Variants in JADE3 observed in about 807,000 individuals in gnomAD.
The protein encoded by JADE3 is jade family PHD finger 3, also known as protein Jade-3.
Under a neutral mutation model 50.1 loss-of-function variants are expected in JADE3, and 2 were observed. The observed-to-expected ratio is 0.04, with a 90% CI of 0.02 to 0.13. The LOEUF is 0.13. Ranked by LOEUF, JADE3 falls within the 10% of genes least tolerant of loss-of-function variation. The probability of loss-of-function intolerance (pLI) is 1.00; values close to 1 mark genes in which losing one functional copy is unlikely to be tolerated. For missense variants in JADE3, 475 were observed against 634.4 expected, an observed-to-expected ratio of 0.75 and a Z score of 2.70; for synonymous variants, 218 against 232.9, an observed-to-expected ratio of 0.94 and a Z score of 0.58.
chrX:46,951,787 T>G (rs1556345207), intron 1 of JADE3, among the ~76,000 whole-genome samples: 1 of 110,877 alleles, frequency 9.0e-6, no homozygotes, highest in East Asian at 2.8e-4. Context: ...TGCTGTTGTG[T>G]TCTTCCAGTT....
intron 4 of JADE3, among the ~76,000 whole-genome samples, chrX:47,021,902 CTTAA>C (rs1241924259): frequency 2.7e-5 from 3 of 111,960 alleles, no homozygotes; most frequent in African/African-American, 6.5e-5. Context: ...TTTTTATTCT[CTTAA>C]TTGTCTCTTT....
rs144805093 is a variant in JADE3, at chrX:46,966,553, G to A, written c.-11-18331G>A. On this transcript the variant is annotated intron_variant, in intron 1 of 10. Coordinates refer to ENST00000614628, the MANE Select transcript of JADE3 (RefSeq NM_014735.5). ...AAAAAAGCTTCTGGAAGCCAAAGGAGTAGTTTCAAGAAGGCCAGAGTGATC... is the reference window on the plus strand; with the variant it reads ...AAAAAAGCTTCTGGAAGCCAAAGGAATAGTTTCAAGAAGGCCAGAGTGATC... Among the ~76,000 whole-genome samples, 330 of 111,395 alleles carry A rather than the reference G, an allele frequency of 3.0e-3. 3 individuals carry two copies. The highest frequency in any genetic ancestry group is 0.014 in the Middle Eastern group (3 of 217).
chrX:46,983,901 T>G (rs1344968943), intron 1 of JADE3, among the ~76,000 whole-genome samples: 1 of 111,385 alleles, frequency 9.0e-6, no homozygotes. Context: ...CTTTTTAATG[T>G]AAAATTTTGT....
At chrX:47,044,046 G>A (rs984687997) in intron 8 of JADE3, among the ~76,000 whole-genome samples, 5 of 110,995 alleles carry the variant, frequency 4.5e-5, no homozygotes, top group Non-Finnish European at 3.8e-5. Context: ...CCTCAGAAGG[G>A]CAAATCTAAG....
rs1474224324 is a variant in JADE3 at position 47,060,580 on chromosome X, C to T, written c.*1503C>T. 1.8e-5 allele frequency: 2 copies of T among 111,738 alleles called. No individual in the cohort carries two copies. Among genetic ancestry groups the T allele is most frequent in the African/African-American group, 6.5e-5 (2 of 30,733 alleles). The allele number at this position is 111,738 out of a possible 1,213,427, so 9.2% of individuals were successfully genotyped here. A position where few individuals can be genotyped will look rare whatever the true frequency, so the allele number is the denominator to read the frequency against. Reference sequence around the variant, plus strand: ...TGTTAATGGGTTCCTTTGCTTTTTGCTTTCTCCTTTTCTGAAAATGTATGT... The same window carrying T: ...TGTTAATGGGTTCCTTTGCTTTTTGTTTTCTCCTTTTCTGAAAATGTATGT... On this transcript the variant is annotated 3_prime_UTR_variant, in exon 11 of 11. Coordinates refer to ENST00000614628, the MANE Select transcript of JADE3 (RefSeq NM_014735.5).
intron 3 of JADE3, among the ~76,000 whole-genome samples, chrX:46,996,969 G>A (rs1162322135): frequency 8.9e-6 from 1 of 111,814 alleles, no homozygotes; most frequent in Non-Finnish European, 1.9e-5. Flanking sequence ...ATGAAGGTAC[G>A]GCTTATGCTT....
intron 8 of JADE3, among the ~76,000 whole-genome samples, chrX:47,053,620 CTA>C (rs72261542): frequency 0.015 from 1,647 of 112,257 alleles, 21 homozygotes; most frequent in African/African-American, 0.039. Context: ...ATTGGAATTC[CTA>C]TGACTTTTTT....
rs782085603 is a variant in JADE3 at position 46,914,372 on chromosome X, C to G, written c.-12+1653C>G. Reference sequence around the variant, plus strand: ...TGTGGTTCTCATGCTTTTGTAGCATCATGTGATTACTCTTCGGATACGTAA... The same window carrying G: ...TGTGGTTCTCATGCTTTTGTAGCATGATGTGATTACTCTTCGGATACGTAA... On this transcript the variant is annotated intron_variant, in intron 1 of 10. Transcript: ENST00000614628. Among the ~76,000 whole-genome samples the G allele has an allele frequency of 9.8e-5, 11 of 112,086 alleles. No individual in the cohort carries two copies. In the East Asian group the frequency reaches 3.1e-3, roughly 31 times the overall value.
chrX:47,020,188 T>C (rs1928764526), intron 4 of JADE3, among the ~76,000 whole-genome samples: 1 of 110,770 alleles, frequency 9.0e-6, no homozygotes, highest in Admixed American at 9.6e-5. Context: ...AAAATTAGCC[T>C]GGCATGGTGG....
chrX:46,913,333 G>A (rs1472715254), intron 1 of JADE3, among the ~76,000 whole-genome samples: 1 of 111,155 alleles, frequency 9.0e-6, no homozygotes, highest in Non-Finnish European at 1.9e-5. Context: ...GGGAGCGGGA[G>A]CGCGGGCGCC....
At chrX:46,966,793 G>A (rs1446993943) in intron 1 of JADE3, among the ~76,000 whole-genome samples, 3 of 111,917 alleles carry the variant, frequency 2.7e-5, no homozygotes, top group Non-Finnish European at 5.6e-5. Flanking sequence ...AGGGTCAAGA[G>A]ATGGTTTGGG....
At chrX:46,969,783 C>T (rs1281568033) in intron 1 of JADE3, among the ~76,000 whole-genome samples, 1 of 112,120 alleles carries the variant, frequency 8.9e-6, no homozygotes, top group Non-Finnish European at 1.9e-5. Context: ...GAGCCAAGAT[C>T]GCTCCACTGC....
chrX:46,972,009 A>T (rs1229284317), intron 1 of JADE3, among the ~76,000 whole-genome samples: 1 of 109,969 alleles, frequency 9.1e-6, no homozygotes, highest in Non-Finnish European at 1.9e-5. Flanking sequence ...TTCAGTAAAC[A>T]TTTTTTTTAG....
intron 1 of JADE3, among the ~76,000 whole-genome samples, chrX:46,956,013 A>G (rs1257975433): frequency 9.0e-6 from 1 of 111,232 alleles, no homozygotes; most frequent in Non-Finnish European, 1.9e-5. Flanking sequence ...AAAGCTATCT[A>G]TTTTCCTACT....
At chrX:47,020,239 G>T (rs1242132063) in intron 4 of JADE3, among the ~76,000 whole-genome samples, 1 of 110,126 alleles carries the variant, frequency 9.1e-6, no homozygotes, top group Non-Finnish European at 1.9e-5. Context: ...GCTGAGGCAG[G>T]AGAATCATTT....
In JADE3 at chrX:46,967,099, T is replaced by G. The variant is rs782381193; in HGVS notation, c.-11-17785T>G. Among the ~76,000 whole-genome samples the G allele has an allele frequency of 8.0e-5, 9 of 112,602 alleles. No individual in the cohort carries two copies. In the South Asian group the frequency reaches 2.9e-3, roughly 36 times the overall value. ...TTTCCCAAAGTTGCTTTAAGCATTA[T>G]AAGTTAATGAGTTATTCTGTGGATC... On this transcript the variant is annotated intron_variant, in intron 1 of 10. Transcript: ENST00000614628.
At chrX:47,019,328 G>C (rs1323101691) in intron 4 of JADE3, among the ~76,000 whole-genome samples, 1 of 111,629 alleles carries the variant, frequency 9.0e-6, no homozygotes, top group Non-Finnish European at 1.9e-5. Flanking sequence ...GGATGAACAA[G>C]GGTCATCTTG....
In JADE3 at chrX:47,024,758, A is replaced by G. The variant is rs782181381; in HGVS notation, c.319A>G (p.Ile107Val). Residue 107 changes from isoleucine to valine, a missense_variant, in exon 5 of 11, where the codon ATC becomes GTC. Ile to Val is a conservative substitution (Grantham distance 29). Transcript: ENST00000614628. ...TGAGAAGGTAAAGGACGTTCTGTTTATCCGACCCCGGAAGTATATTCACTG... is the reference window on the plus strand; with the variant it reads ...TGAGAAGGTAAAGGACGTTCTGTTTGTCCGACCCCGGAAGTATATTCACTG... ...IAEKVKDVLFIRPRKYIHCSS... is the reference protein window; with the variant it reads ...IAEKVKDVLFVRPRKYIHCSS... The G allele has an allele frequency of 8.4e-6, 10 of 1,197,455 alleles. No homozygotes were observed. In the Middle Eastern group the frequency reaches 6.9e-4, roughly 83 times the overall value.
intron 3 of JADE3, among the ~76,000 whole-genome samples, chrX:46,991,067 T>TCC (rs1927989923): frequency 4.6e-3 from 1 of 219 alleles, no homozygotes; most frequent in Non-Finnish European, 0.013. Context: ...CCTCACTCCC[T>TCC]CCCTCCCCCC....
Sources: allele counts gnomAD v4.1 joint callset (sites outside exome capture counted in the v4.1 genomes callset), GRCh38; gene constraint gnomAD v4.1.1; transcripts MANE v1.5; gene names NCBI Gene and HGNC (gene_info 2026-07-23, HGNC 2026-07-21).